The following COL11A2 variants were observed in gnomAD, a reference collection of about 807,000 sequenced individuals.
COL11A2 encodes the protein collagen type XI alpha 2 chain.
COL11A2 carries 116 observed loss-of-function variants against 273.4 expected under a neutral mutation model. The observed-to-expected ratio is 0.42, with a 90% CI of 0.36 to 0.49. The LOEUF is 0.49. Ranked by LOEUF, COL11A2 falls within the 20% of genes least tolerant of loss-of-function variation. The pLI, the probability that COL11A2 is intolerant of heterozygous loss-of-function variation, is 0.00. For missense variants in COL11A2, 1,866 were observed against 2,309.0 expected (o/e 0.81, Z 3.93); for synonymous variants, 782 against 864.2 (o/e 0.90, Z 1.67).
At chr6:33,184,915 A>G in intron 7 of COL11A2, 77 bp downstream of exon 7, 2 of 1,240,304 alleles carry the variant, frequency 1.6e-6, no homozygotes, top group Non-Finnish European at 2.3e-6. Flanking sequence ...TGGTCCATCA[A>G]GACGTCATGG....
chr6:33,178,622 C>T lies in COL11A2; in HGVS notation c.1719+57G>A, dbSNP rs1771261203. On this transcript the variant is annotated intron_variant, in intron 18 of 65. Coordinates refer to ENST00000341947, the MANE Select transcript of COL11A2 (RefSeq NM_080680.3). The surrounding 1 kb of genome is among the most constrained non-coding windows in gnomAD (Gnocchi z 4.6). ...CTCCAGCCTCCCTTCCCTACCTATC[C>T]TCACTCCCATAGAAGATCTATCCCC... is the stretch of plus-strand genomic sequence containing the variant. 1.9e-6 allele frequency: 3 copies of T among 1,608,784 alleles called. No homozygotes were observed. The South Asian group carries it at 3.3e-5, about 18-fold the overall frequency.
In COL11A2 at chr6:33,171,712, CT is replaced by C; in HGVS notation, c.3150del (p.Gly1051ValfsTer294). ...PPGAAGEKGV[P>X]GEKGPIGPTG... ...CCCCTCCCCAATACCCCCACACTCA[CT>C]GGGACACCTTTCTCTCCTGCTGCTC... On this transcript the variant is annotated frameshift_variant and splice_region_variant, in exon 42 of 66. Transcript: ENST00000341947. LOFTEE classifies it high-confidence loss of function. 6.2e-7 allele frequency: 1 copy of C among 1,612,752 alleles called. No individual in the cohort carries two copies. The highest frequency in any genetic ancestry group is 1.1e-5 in the South Asian group (1 of 91,058).
intron 7 of COL11A2, 95 bp from the exon 8 acceptor site, chr6:33,184,419 A>G (rs1364363425): frequency 4.8e-6 from 4 of 831,174 alleles, no homozygotes; most frequent in Admixed American, 2.7e-5. Flanking sequence ...TTCTAGCCCA[A>G]AGGATTCCAA....
At chr6:33,175,826 G>A in intron 29 of COL11A2, 145 bp from the exon 30 acceptor site, 1 of 1,065,174 alleles carries the variant, frequency 9.4e-7, no homozygotes, top group Non-Finnish European at 1.5e-6. Flanking sequence ...GGTAGGGATA[G>A]TGTAGTGATG....
intron 54 of COL11A2, among the ~76,000 whole-genome samples, chr6:33,168,266 A>G (rs1243363645): frequency 6.6e-6 from 1 of 151,720 alleles, no homozygotes; most frequent in African/African-American, 2.4e-5. Flanking sequence ...TCAACCCACC[A>G]GCTCCTGCAC....
chr6:33,172,612 A>C lies in COL11A2; in HGVS notation c.2816T>G (p.Met939Arg), dbSNP rs776182237. 6.2e-7 allele frequency: 1 copy of C among 1,612,164 alleles called. No individual in the cohort carries two copies. The highest frequency in any genetic ancestry group is 1.7e-5 in the Admixed American group (1 of 59,992). ...GGGGCCTGGGTGACCTCTCTCCCCC[A>C]TAGGGCCGGTTTCTCCTGCTGCTCC... ...PQGAAGETGP[M>R]GERGHPGPPG... Residue 939 changes from methionine (M) to arginine (R), a missense_variant, in exon 39 of 66, where the codon ATG becomes AGG. By Grantham distance (91) the Met-to-Arg change is moderately conservative. Coordinates refer to ENST00000341947, the MANE Select transcript of COL11A2 (RefSeq NM_080680.3).
In COL11A2 at chr6:33,164,911, A is replaced by C; in HGVS notation, c.4804T>G (p.Phe1602Val). 1 of 1,581,330 alleles carries C rather than the reference A, an allele frequency of 6.3e-7. No individual in the cohort carries two copies. The highest frequency in any genetic ancestry group is 1.8e-5 in the Admixed American group (1 of 55,624). The change falls in exon 64 of 66, where the codon TTC becomes GTC. Residue 1602 changes from phenylalanine to valine, a missense_variant. Coordinates refer to ENST00000341947, the MANE Select transcript of COL11A2 (RefSeq NM_080680.3). This position sits in a 1 kb window ranked among gnomAD's most constrained non-coding sequence, Gnocchi z 4.7. The part of the protein sequence containing the change: ...QGCARDAFRV[F>V]CNFTAGGETC... ...TCACCCCCTGCTGTGAAGTTGCAGA[A>C]AACTCGGAAGGCATCCCGAGCACAG...
At chr6:33,171,600 G>A in intron 42 of COL11A2, 26 bp from the exon 43 acceptor site, 4 of 1,609,514 alleles carry the variant, frequency 2.5e-6, no homozygotes, top group Non-Finnish European at 3.4e-6. Context: ...AAGGAGTCAT[G>A]GCCTGGAGGT....
chr6:33,168,863 C>A, intron 52 of COL11A2, 92 bp downstream of exon 52: 1 of 1,602,018 alleles, frequency 6.2e-7, no homozygotes. Flanking sequence ...ATACCCCCGG[C>A]TTCCCAATAC....
chr6:33,177,746 C>A lies in COL11A2; in HGVS notation c.1873-40G>T. 6.2e-7 allele frequency: 1 copy of A among 1,611,850 alleles called. No homozygotes were observed. On this transcript the variant is annotated intron_variant, in intron 21 of 65. Coordinates refer to ENST00000341947, the MANE Select transcript of COL11A2 (RefSeq NM_080680.3). This position sits in a 1 kb window ranked among gnomAD's most constrained non-coding sequence, Gnocchi z 5.9. Reference sequence around the variant, plus strand: ...GGGTGTGAGCAGCCTGAAGGTGGCCCGGAGGGACCTGTGGTTTTCAGAGGC... The same window carrying A: ...GGGTGTGAGCAGCCTGAAGGTGGCCAGGAGGGACCTGTGGTTTTCAGAGGC...
At chr6:33,174,493 G>A (rs1409941187) in intron 31 of COL11A2, 34 bp downstream of exon 31, 16 of 1,610,394 alleles carry the variant, frequency 9.9e-6, no homozygotes, top group East Asian at 2.2e-5. Flanking sequence ...GAGGAGGGAA[G>A]AGGAGGAGGG....
intron 4 of COL11A2, among the ~76,000 whole-genome samples, chr6:33,188,145 G>A (rs1799644098): frequency 6.6e-6 from 1 of 152,054 alleles, no homozygotes; most frequent in African/African-American, 2.4e-5. Context: ...AAGACTGAAG[G>A]ACAGAGTAAG....
Position 33,179,356 on chromosome 6 carries a change from G to C in COL11A2, c.1504-72C>G, listed in dbSNP as rs1771397121. ...AGTGGCCTCGGAGTGTTCCCCAAAA[G>C]AAGCCCCTTTCCAGAACTATCCACA... On this transcript the variant is annotated intron_variant, in intron 14 of 65. Coordinates refer to ENST00000341947, the MANE Select transcript of COL11A2 (RefSeq NM_080680.3). This position sits in a 1 kb window ranked among gnomAD's most constrained non-coding sequence, Gnocchi z 6.4. The C allele has an allele frequency of 2.8e-5, 44 of 1,576,528 alleles. No individual in the cohort carries two copies. Among genetic ancestry groups the C allele is most frequent in the Non-Finnish European group, 3.7e-5 (43 of 1,161,496 alleles).
At position 33,189,030 on chromosome 6, in the gene COL11A2, G is replaced by A; in HGVS notation, c.391C>T (p.Pro131Ser). 6.2e-7 allele frequency: 1 copy of A among 1,614,172 alleles called. No homozygotes were observed. Among genetic ancestry groups the A allele is most frequent in the African/African-American group, 1.3e-5 (1 of 75,026 alleles). ...RFLYEDQTGRPQPPSQPVFRG... is the reference protein window; with the variant it reads ...RFLYEDQTGRSQPPSQPVFRG... Reference sequence around the variant, plus strand: ...AAGACTGGCTGAGAGGGAGGTTGAGGCCGCCCAGTCTGGTCTTCATACAGG... The same window carrying A: ...AAGACTGGCTGAGAGGGAGGTTGAGACCGCCCAGTCTGGTCTTCATACAGG... Residue 131 changes from proline (P) to serine (S), a missense_variant, in exon 3 of 66, where the codon CCT becomes TCT. By Grantham distance (74) the Pro-to-Ser change is moderately conservative (BLOSUM62 -1). Transcript: ENST00000341947. This position sits in a 1 kb window ranked among gnomAD's most constrained non-coding sequence, Gnocchi z 5.6.
chr6:33,166,701 G>T lies in COL11A2; in HGVS notation c.4338+19C>A, dbSNP rs1554212804. The T allele has an allele frequency of 6.2e-7, 1 of 1,613,476 alleles. No individual in the cohort carries two copies. Among genetic ancestry groups the T allele is most frequent in the Non-Finnish European group, 8.5e-7 (1 of 1,179,744 alleles). ...CACTCTCAACCCCCACAACTTCCGG[G>T]ACCATGCCCTCTACTCACCATCTCA... On this transcript the variant is annotated intron_variant, in intron 59 of 65. Transcript: ENST00000341947. The surrounding 1 kb of genome is among the most constrained non-coding windows in gnomAD (Gnocchi z 4.8).
chr6:33,172,447 C>A (rs1007774148), intron 39 of COL11A2, 69 bp from the exon 40 acceptor site: 2 of 1,554,590 alleles, frequency 1.3e-6, no homozygotes, highest in South Asian at 1.1e-5. Context: ...CTCCAGCCCC[C>A]CCTCAAATCT....
chr6:33,180,813 C>T, intron 10 of COL11A2, 83 bp from the exon 11 acceptor site: 2 of 1,564,992 alleles, frequency 1.3e-6, no homozygotes, highest in South Asian at 1.1e-5. Flanking sequence ...GTGGTCTGTG[C>T]AGAACAGATC....
At chr6:33,185,665 A>G in intron 6 of COL11A2, 36 bp downstream of exon 6, 1 of 1,090,286 alleles carries the variant, frequency 9.2e-7, no homozygotes, top group Non-Finnish European at 1.3e-6. Flanking sequence ...GGGTGCTGGG[A>G]GAAAGGGAAG....
Position 33,192,354 on chromosome 6 carries a change from C to A in COL11A2, c.-114G>T, listed in dbSNP as rs1773239053. ...CTATGAGCCTCAGACGCCGGGGTCC[C>A]AGGGAGGTCAGAGGCTGCGGGCAGC... On this transcript the variant is annotated 5_prime_UTR_variant, in exon 1 of 66. Transcript: ENST00000341947. 1.9e-6 allele frequency: 2 copies of A among 1,065,172 alleles called. No homozygotes were observed. The highest frequency in any genetic ancestry group is 4.0e-5 in the Admixed American group (2 of 50,108). The allele number at this position is 1,065,172 out of a possible 1,614,324, so 66.0% of individuals were successfully genotyped here.
Sources: gnomAD v4.1 joint callset for allele counts (sites outside exome capture counted in the v4.1 genomes callset) on GRCh38, gnomAD v4.1.1 for gene constraint, Gnocchi (gnomAD v3.1) non-coding constraint, MANE v1.5 for transcripts, NCBI Gene and HGNC (gene_info 2026-07-23, HGNC 2026-07-21) for gene names.